GPR19: variants seen among roughly 807,000 people sequenced by gnomAD.
The protein encoded by GPR19 is probable G protein-coupled receptor 19.
In GPR19, 14 loss-of-function variants were observed where a neutral mutation model predicts 28.5. That is an observed-to-expected ratio of 0.49 (90% CI 0.32 to 0.77). GPR19 has a LOEUF of 0.77. GPR19 is among the 30% of genes least tolerant of loss of function. The pLI is 0.03. For synonymous variants in GPR19, 173 were observed against 184.1 expected, an observed-to-expected ratio of 0.94 and a Z score of 0.49; for missense variants, 409 against 504.1, an observed-to-expected ratio of 0.81 and a Z score of 1.81.
chr12:12,711,233 G>A, the GPR19 span, among the ~76,000 whole-genome samples: 1 of 150,074 alleles, frequency 6.7e-6, no homozygotes, highest in Non-Finnish European at 1.5e-5. Flanking sequence ...GGTGGAGGTT[G>A]CAGTGAGCTG....
At chr12:12,699,978 C>T (rs1307396615), upstream of GPR19, among the ~76,000 whole-genome samples, 1 of 119,444 alleles carries the variant, frequency 8.4e-6, no homozygotes. Flanking sequence ...AGCTTTCTTT[C>T]TTTTTTTTTT....
chr12:12,702,465 G>A, the GPR19 span, among the ~76,000 whole-genome samples: 2 of 152,076 alleles, frequency 1.3e-5, no homozygotes, highest in African/African-American at 4.8e-5. Context: ...GTACTGGTGG[G>A]TTTTTTAAAA....
intron 3 of GPR19, among the ~76,000 whole-genome samples, chr12:12,670,300 C>T (rs1162002677): frequency 6.6e-6 from 1 of 152,192 alleles, no homozygotes; most frequent in Non-Finnish European, 1.5e-5. Context: ...TTTGTTAAAT[C>T]TGGCAAACCT....
chr12:12,663,706 T>A (rs1945716163), intron 3 of GPR19, among the ~76,000 whole-genome samples: 1 of 152,142 alleles, frequency 6.6e-6, no homozygotes, highest in Admixed American at 6.5e-5. Context: ...ATTTAATCCA[T>A]AATAACCATA....
Position 12,662,215 on chromosome 12 carries a change from A to C in GPR19, c.234T>G (p.Phe78Leu). The change falls in exon 4 of 4, where the codon TTT becomes TTG. Residue 78 changes from phenylalanine (F) to leucine (L), a missense_variant. Physicochemically the swap from Phe to Leu is conservative, Grantham distance 22. Coordinates refer to ENST00000651487, the MANE Select transcript of GPR19 (RefSeq NM_006143.3). Reference sequence around the variant, plus strand: ...AAACCAGGGAATTGCCGAAGATAGAAAACAACCACAGAATCCCAAAGAAGA... The same window carrying C: ...AAACCAGGGAATTGCCGAAGATAGACAACAACCACAGAATCCCAAAGAAGA... ...ASIFFGILWL[F>L]SIFGNSLVCL... The C allele has an allele frequency of 6.2e-7, 1 of 1,614,178 alleles. No individual in the cohort carries two copies. Among genetic ancestry groups the C allele is most frequent in the Non-Finnish European group, 8.5e-7 (1 of 1,180,022 alleles).
At chr12:12,674,572 G>A (rs1168747780) in intron 3 of GPR19, among the ~76,000 whole-genome samples, 2 of 152,156 alleles carry the variant, frequency 1.3e-5, no homozygotes, top group Non-Finnish European at 2.9e-5. Flanking sequence ...GAGCAAGAGA[G>A]AAAAAGTTTA....
chr12:12,671,401 CTGG>C (rs1329239379), intron 3 of GPR19, among the ~76,000 whole-genome samples: 5 of 152,066 alleles, frequency 3.3e-5, no homozygotes, highest in Non-Finnish European at 7.4e-5. Context: ...CCTGAAACTC[CTGG>C]TGCCACAAGC....
Position 12,660,956 on chromosome 12 carries a change from A to C in GPR19, c.*245T>G. 1 of 368,028 alleles carries C rather than the reference A, an allele frequency of 2.7e-6. No homozygotes were observed. Among genetic ancestry groups the C allele is most frequent in the East Asian group, 4.5e-5 (1 of 22,262 alleles). 22.8% of individuals were successfully genotyped at this position (368,028 alleles called of 1,614,324 possible). A position where few individuals can be genotyped will look rare whatever the true frequency, so the allele number is the denominator to read the frequency against. On this transcript the variant is annotated 3_prime_UTR_variant, in exon 4 of 4. Transcript: ENST00000651487. ...ATAGTAAGAAAGCATTTTCTTTTTT[A>C]TGCATGTAACTAATATATTAATAGT...
chr12:12,664,450 G>T (rs2136318173), intron 3 of GPR19, among the ~76,000 whole-genome samples: 1 of 151,626 alleles, frequency 6.6e-6, no homozygotes, highest in South Asian at 2.1e-4. Context: ...TTGTCCATGA[G>T]GCAACCTTAC....
chr12:12,664,919 C>CAA lies in GPR19; in HGVS notation c.-22-2451_-22-2450dup, dbSNP rs746346681. On this transcript the variant is annotated intron_variant, in intron 3 of 3. Transcript: ENST00000651487. ...TGGGCGACGGGGTGAGACGCCATCT[C>CAA]AAAAAAAAAAAAAAAAAAAAAAAAA... 5.0e-3 allele frequency among the ~76,000 whole-genome samples: 155 copies of CAA among 31,094 alleles called. 12 individuals carry two copies. Among genetic ancestry groups the CAA allele is most frequent in the South Asian group, 0.02 (7 of 344 alleles). The allele number at this position is 31,094 out of a possible 152,430, so 20.4% of individuals were successfully genotyped here.
upstream of GPR19, among the ~76,000 whole-genome samples, chr12:12,700,367 T>TAAA (rs1946313780): frequency 3.3e-5 from 5 of 152,228 alleles, no homozygotes; most frequent in East Asian, 9.6e-4. Flanking sequence ...GTTGTTGTTG[T>TAAA]TGTTTTGTTA....
intron 3 of GPR19, among the ~76,000 whole-genome samples, chr12:12,682,246 C>T (rs955616917): frequency 6.6e-6 from 1 of 152,166 alleles, no homozygotes; most frequent in African/African-American, 2.4e-5. Context: ...GATTGGTGAT[C>T]TCCAGGAAAT....
At chr12:12,667,332 T>C (rs973962492) in intron 3 of GPR19, among the ~76,000 whole-genome samples, 1 of 152,138 alleles carries the variant, frequency 6.6e-6, no homozygotes, top group Non-Finnish European at 1.5e-5. Context: ...TATTATCTAC[T>C]TCTCACCCAT....
At chr12:12,672,338 T>G (rs907055607) in intron 3 of GPR19, among the ~76,000 whole-genome samples, 2 of 152,212 alleles carry the variant, frequency 1.3e-5, no homozygotes, top group African/African-American at 4.8e-5. Flanking sequence ...AGTAGCTTAG[T>G]AGAGTTCCGT....
the GPR19 span, among the ~76,000 whole-genome samples, chr12:12,703,156 G>A: frequency 1.3e-5 from 2 of 152,102 alleles, no homozygotes; most frequent in Admixed American, 1.3e-4. Context: ...GGTAATAAAG[G>A]ATACATATTG....
At chr12:12,702,258 T>C in the GPR19 span, among the ~76,000 whole-genome samples, 9 of 151,344 alleles carry the variant, frequency 5.9e-5, no homozygotes, top group Non-Finnish European at 1.2e-4. Flanking sequence ...TAGAATAGAA[T>C]AGAATAAATA....
At chr12:12,666,863 T>C (rs756602857) in intron 3 of GPR19, among the ~76,000 whole-genome samples, 1 of 152,204 alleles carries the variant, frequency 6.6e-6, no homozygotes, top group Non-Finnish European at 1.5e-5. Context: ...ACATGACTCC[T>C]GATAAAAGCA....
chr12:12,707,831 A>G, the GPR19 span, among the ~76,000 whole-genome samples: 132 of 151,536 alleles, frequency 8.7e-4, 2 homozygotes, highest in Non-Finnish European at 1.6e-3. Context: ...CGATCTTCCC[A>G]CCTTGGCCTC....
the GPR19 span, among the ~76,000 whole-genome samples, chr12:12,707,925 T>TATA: frequency 6.6e-6 from 1 of 151,562 alleles, no homozygotes; most frequent in Admixed American, 6.6e-5. Context: ...CACTTATGTT[T>TATA]TAACCATGGA....
Sources: allele counts gnomAD v4.1 joint callset (sites outside exome capture counted in the v4.1 genomes callset), GRCh38; gene constraint gnomAD v4.1.1; transcripts MANE v1.5; gene names NCBI Gene and HGNC (gene_info 2026-07-23, HGNC 2026-07-21).